STAM: variants seen among roughly 807,000 people sequenced by gnomAD.
The protein encoded by STAM is signal transducing adapter molecule 1.
Under a neutral mutation model 63.4 loss-of-function variants are expected in STAM, and 16 were observed. The ratio of observed to expected loss-of-function variants is 0.25; its 90% CI spans 0.17 to 0.38. The LOEUF (loss-of-function observed/expected upper bound fraction) is 0.38, where lower values mean the gene tolerates loss of function less well. STAM is among the 10% of genes least tolerant of loss of function. The pLI is 1.00. For missense variants in STAM, 636 were observed against 657.1 expected (o/e 0.97, Z 0.35); for synonymous variants, 238 against 223.9 (o/e 1.06, Z -0.56).
chr10:17,666,385 GT>G (rs1485190207), intron 2 of STAM, among the ~76,000 whole-genome samples: 1 of 102,298 alleles, frequency 9.8e-6, no homozygotes, highest in African/African-American at 3.8e-5. Context: ...CCTTGGCTTT[GT>G]ATTTTTTTTT....
chr10:17,644,411 T>A (rs1554820540), intron 1 of STAM, 32 bp downstream of exon 1: 1 of 1,613,620 alleles, frequency 6.2e-7, no homozygotes, highest in East Asian at 2.2e-5. Flanking sequence ...TGCCCATTCC[T>A]CACCGGACTG....
chr10:17,687,900 C>A (rs1554826270), intron 4 of STAM, 127 bp from the exon 5 acceptor site: 3 of 659,054 alleles, frequency 4.6e-6, no homozygotes, highest in Non-Finnish European at 2.2e-6. Context: ...ACTATATTTT[C>A]TTGTCTATAG....
intron 2 of STAM, among the ~76,000 whole-genome samples, chr10:17,661,498 T>C (rs1490528881): frequency 1.3e-5 from 2 of 152,228 alleles, no homozygotes; most frequent in Non-Finnish European, 2.9e-5. Flanking sequence ...GGCATCTGTA[T>C]TTGCAGCTCT....
At chr10:17,693,355 T>C in intron 6 of STAM, 43 bp downstream of exon 6, 2 of 1,465,230 alleles carry the variant, frequency 1.4e-6, no homozygotes, top group East Asian at 2.3e-5. Flanking sequence ...CATAAGCCTT[T>C]ATTTTTTCTC....
At chr10:17,654,864 C>T (rs922884856) in intron 1 of STAM, among the ~76,000 whole-genome samples, 21 of 152,162 alleles carry the variant, frequency 1.4e-4, no homozygotes, top group Non-Finnish European at 2.2e-4. Context: ...GCAGTGCAAA[C>T]ACCTGAGATA....
intron 1 of STAM, among the ~76,000 whole-genome samples, chr10:17,644,885 T>C (rs1554820637): frequency 6.6e-6 from 1 of 152,194 alleles, no homozygotes; most frequent in Non-Finnish European, 1.5e-5. Flanking sequence ...GGGTAGACTC[T>C]CAAACATGTT....
At chr10:17,679,905 T>G (rs1288681621) in intron 2 of STAM, among the ~76,000 whole-genome samples, 2 of 152,120 alleles carry the variant, frequency 1.3e-5, no homozygotes, top group African/African-American at 4.8e-5. Context: ...AAATCCTTTT[T>G]ATTTCAGTGA....
At chr10:17,672,834 G>A (rs1294152765) in intron 2 of STAM, 1 of 128,610 alleles carries the variant, frequency 7.8e-6, no homozygotes, top group Non-Finnish European at 1.7e-5. Flanking sequence ...TCTTACAGCA[G>A]TGTGATTTGT....
At chr10:17,675,926 G>A (rs1384354835) in intron 2 of STAM, among the ~76,000 whole-genome samples, 2 of 152,068 alleles carry the variant, frequency 1.3e-5, no homozygotes, top group African/African-American at 2.4e-5. Flanking sequence ...AGCACTCCAT[G>A]TGGTGGAATC....
chr10:17,694,730 G>A (rs996529352), intron 6 of STAM, among the ~76,000 whole-genome samples: 2 of 152,034 alleles, frequency 1.3e-5, no homozygotes, highest in Non-Finnish European at 2.9e-5. Context: ...AAAGGTCAAG[G>A]AAAATATCTG....
At chr10:17,696,584 G>A (rs1343725775) in intron 7 of STAM, 191 bp from the exon 8 acceptor site, 2 of 526,058 alleles carry the variant, frequency 3.8e-6, no homozygotes, top group African/African-American at 1.9e-5. Context: ...AAACAACTGT[G>A]TGTTGAATAG....
chr10:17,663,856 T>C (rs1834271650), intron 2 of STAM, among the ~76,000 whole-genome samples: 1 of 152,102 alleles, frequency 6.6e-6, no homozygotes, highest in Non-Finnish European at 1.5e-5. Flanking sequence ...GTTTTTTCTT[T>C]CTTGTTCTCC....
chr10:17,673,006 A>G (rs1834703151), intron 2 of STAM: 2 of 985,036 alleles, frequency 2.0e-6, no homozygotes, highest in African/African-American at 1.7e-5. Context: ...TCTTACAAAA[A>G]GTTTTAAAAT....
Position 17,704,527 on chromosome 10 carries a change from T to C in STAM, c.1000+9T>C. The C allele has an allele frequency of 6.2e-7, 1 of 1,610,170 alleles. No individual in the cohort carries two copies. The highest frequency in any genetic ancestry group is 8.5e-7 in the Non-Finnish European group (1 of 1,176,444). On this transcript the variant is annotated intron_variant, in intron 10 of 13. Transcript: ENST00000377524. ...GCTGCTTCATCTTGAAGGTAAAACT[T>C]TTCTATTTACCTTGCAAATAAAGAG...
chr10:17,711,592 T>C (rs914689772), intron 13 of STAM, among the ~76,000 whole-genome samples: 7 of 152,032 alleles, frequency 4.6e-5, no homozygotes, highest in African/African-American at 1.7e-4. Flanking sequence ...TCTTAGCCAG[T>C]AGAAAAAAAG....
intron 1 of STAM, among the ~76,000 whole-genome samples, chr10:17,654,025 C>T (rs144157298): frequency 1.3e-5 from 2 of 152,174 alleles, no homozygotes; most frequent in East Asian, 1.9e-4. Context: ...CCTGGGGACC[C>T]CAGAGCTTGT....
At position 17,644,367 on chromosome 10, in the gene STAM, G is replaced by T. The variant is rs1833435603; in HGVS notation, c.28G>T (p.Asp10Tyr). 14 of 1,614,124 alleles carry T rather than the reference G, an allele frequency of 8.7e-6. No homozygotes were observed. Among genetic ancestry groups the T allele is most frequent in the Non-Finnish European group, 1.2e-5 (14 of 1,180,006 alleles). The change falls in exon 1 of 14, where the codon GAT becomes TAT. Residue 10 changes from aspartate to tyrosine, a missense_variant. Physicochemically the swap from Asp to Tyr is radical, Grantham distance 160. This residue lies in a region of STAM where 87 missense variants were observed against 80.3 expected (regional missense o/e 1.08). Transcript: ENST00000377524. MPLFATNPF[D>Y]QDVEKATSEM... Reference sequence around the variant, plus strand: ...GCCTCTTTTTGCCACCAATCCCTTCGATCAGGATGTTGGTAAGTGTTTTTG... The same window carrying T: ...GCCTCTTTTTGCCACCAATCCCTTCTATCAGGATGTTGGTAAGTGTTTTTG...
Position 17,705,136 on chromosome 10 carries a change from A to C in STAM, c.1055+112A>C, listed in dbSNP as rs140207588. The C allele has an allele frequency of 5.0e-6, 4 of 801,418 alleles. No individual in the cohort carries two copies. In the African/African-American group the frequency reaches 5.2e-5, roughly 10 times the overall value. 49.6% of individuals were successfully genotyped at this position (801,418 alleles called of 1,614,324 possible). A position where few individuals can be genotyped will look rare whatever the true frequency, so the allele number is the denominator to read the frequency against. ...AAAAAAAAATATTGTGGAGGAACCA[A>C]CTCTCATTCACATATCTTGTGCTAG... On this transcript the variant is annotated intron_variant, in intron 11 of 13. Coordinates refer to ENST00000377524, the MANE Select transcript of STAM (RefSeq NM_003473.4).
intron 5 of STAM, among the ~76,000 whole-genome samples, chr10:17,688,888 T>A (rs78789039): frequency 0.011 from 1,738 of 152,268 alleles, 19 homozygotes; most frequent in Middle Eastern, 0.065. Context: ...TCCTTAAAAG[T>A]TAGGGATGAC....
Sources: gnomAD v4.1 joint callset for allele counts (sites outside exome capture counted in the v4.1 genomes callset) on GRCh38, gnomAD v4.1.1 for gene constraint, gnomAD v4.1.1 regional missense constraint, MANE v1.5 for transcripts, NCBI Gene and HGNC (gene_info 2026-07-23, HGNC 2026-07-21) for gene names.